The following SH3BP4 variants were observed in gnomAD, a reference collection of about 807,000 sequenced individuals.
The protein encoded by SH3BP4 is SH3 domain binding protein 4.
A neutral mutation model predicts 65.5 loss-of-function variants in SH3BP4; 33 were observed. The ratio of observed to expected loss-of-function variants is 0.50; its 90% confidence interval spans 0.38 to 0.67. SH3BP4 has a LOEUF of 0.67. Among genes scored for constraint, SH3BP4 ranks in the 30% least tolerant of loss-of-function variants. The probability of loss-of-function intolerance (pLI) is 0.00; values close to 1 mark genes in which losing one functional copy is unlikely to be tolerated. For synonymous variants in SH3BP4, 552 were observed against 545.5 expected (o/e 1.01, Z -0.17); for missense variants, 1,134 against 1,261.4 (o/e 0.90, Z 1.53).
In SH3BP4 at chr2:235,052,665, C is replaced by A; in HGVS notation, c.2582C>A (p.Ala861Asp). The change falls in exon 5 of 6, where the codon GCT becomes GAT. Residue 861 changes from alanine (A) to aspartate (D), a missense_variant. Physicochemically the swap from Ala to Asp is moderately radical, Grantham distance 126 (BLOSUM62 -2). Coordinates refer to ENST00000392011, the MANE Select transcript of SH3BP4 (RefSeq NM_014521.3). The surrounding 1 kb of genome is among the most constrained non-coding windows in gnomAD (Gnocchi z 5.0). ...GTGGCCCAGCGCTGGCGGGAGCTGG[C>A]TGAGAAGCTGGCCAAGGTCTCCAAG... Reference protein sequence around the residue: ...VEVAQRWRELAEKLAKVSKQQ... With the variant: ...VEVAQRWRELDEKLAKVSKQQ... 1 of 1,596,586 alleles carries A rather than the reference C, an allele frequency of 6.3e-7. No individual in the cohort carries two copies. The highest frequency in any genetic ancestry group is 1.1e-5 in the South Asian group (1 of 87,630).
chr2:234,997,681 T>C lies in SH3BP4; in HGVS notation c.-133+2305T>C, dbSNP rs1437324878. On this transcript the variant is annotated intron_variant, in intron 2 of 5. Transcript: ENST00000392011. This position sits in a 1 kb window ranked among gnomAD's most constrained non-coding sequence, Gnocchi z 4.2. The stretch of plus-strand genomic sequence containing the variant: ...CCACTGATGGCTGGGAAGGGTGAGC[T>C]CCAGCCCCCGGTGGCTTGAACACCC... Among the ~76,000 whole-genome samples the C allele has an allele frequency of 6.6e-6, 1 of 152,090 alleles. No homozygotes were observed. Among genetic ancestry groups the C allele is most frequent in the Non-Finnish European group, 1.5e-5 (1 of 68,012 alleles).
At chr2:234,962,100 T>C (rs1384896176) in intron 1 of SH3BP4, among the ~76,000 whole-genome samples, 4 of 152,182 alleles carry the variant, frequency 2.6e-5, no homozygotes, top group African/African-American at 9.7e-5. Flanking sequence ...TGTAGACATA[T>C]GAGTTGTTTT....
intron 2 of SH3BP4, among the ~76,000 whole-genome samples, chr2:235,010,799 A>AGAAC (rs1694461300): frequency 2.6e-5 from 2 of 78,032 alleles, no homozygotes; most frequent in Admixed American, 1.3e-4. Context: ...CCTAGGAGAA[A>AGAAC]CCTTCCTCCC....
intron 1 of SH3BP4, among the ~76,000 whole-genome samples, chr2:234,966,930 A>G (rs1479053244): frequency 6.6e-6 from 1 of 152,214 alleles, no homozygotes; most frequent in Non-Finnish European, 1.5e-5. Flanking sequence ...TTCGCTAACT[A>G]ATCACATTTA....
rs1244766596 is a variant in SH3BP4 at position 234,974,332 on chromosome 2, T to G, written c.-206-20971T>G. ...GTGAGCCAAGATCGCACTATTGCAC[T>G]CCAGCCTGGGCAAAGAGCGAAACTC... On this transcript the variant is annotated intron_variant, in intron 1 of 5. Transcript: ENST00000392011. This position sits in a 1 kb window ranked among gnomAD's most constrained non-coding sequence, Gnocchi z 4.6. Among the ~76,000 whole-genome samples the G allele has an allele frequency of 2.6e-5, 4 of 151,914 alleles. No individual in the cohort carries two copies.
intron 1 of SH3BP4, among the ~76,000 whole-genome samples, chr2:234,969,180 G>A (rs1056769354): frequency 6.6e-6 from 1 of 152,204 alleles, no homozygotes; most frequent in Non-Finnish European, 1.5e-5. Context: ...TGTTGTTGAA[G>A]TTGCCAGTCT....
At chr2:235,001,916 G>T (rs950362035) in intron 2 of SH3BP4, among the ~76,000 whole-genome samples, 4 of 152,030 alleles carry the variant, frequency 2.6e-5, no homozygotes, top group African/African-American at 9.7e-5. Context: ...GCTGGAGTGC[G>T]GTGGCGCAAT....
chr2:235,014,541 A>G (rs894144641), intron 2 of SH3BP4, among the ~76,000 whole-genome samples: 7 of 152,244 alleles, frequency 4.6e-5, no homozygotes, highest in East Asian at 3.9e-4. Flanking sequence ...GTGGACATCT[A>G]TTCTCAGTTC....
chr2:234,998,620 A>T (rs1694001562), intron 2 of SH3BP4, among the ~76,000 whole-genome samples: 1 of 152,224 alleles, frequency 6.6e-6, no homozygotes, highest in Admixed American at 6.5e-5. Flanking sequence ...GGCATTGAGT[A>T]CATTCTTGGT....
chr2:234,967,843 GACA>G lies in SH3BP4; in HGVS notation c.-207+15676_-207+15678del, dbSNP rs765075320. ...CACCCTGAGTGGCGGATGCTGCAGAGACAACTCTTTATACCTGAGAAGCTTGCC... is the reference window on the plus strand; with the variant it reads ...CACCCTGAGTGGCGGATGCTGCAGAGACTCTTTATACCTGAGAAGCTTGCC... On this transcript the variant is annotated intron_variant, in intron 1 of 5. Transcript: ENST00000392011. The surrounding 1 kb of genome is among the most constrained non-coding windows in gnomAD (Gnocchi z 4.6). Among the ~76,000 whole-genome samples the G allele has an allele frequency of 4.9e-4, 74 of 152,280 alleles. No individual in the cohort carries two copies. Among genetic ancestry groups the G allele is most frequent in the Non-Finnish European group, 9.0e-4 (61 of 68,020 alleles).
At chr2:235,015,594 G>A (rs1694664149) in intron 2 of SH3BP4, among the ~76,000 whole-genome samples, 1 of 152,216 alleles carries the variant, frequency 6.6e-6, no homozygotes, top group Admixed American at 6.5e-5. Context: ...AGCAGTGAGA[G>A]GGTTTCAGTG....
At position 235,050,711 on chromosome 2, in the gene SH3BP4, C is replaced by T. The variant is rs555163984; in HGVS notation, c.2479-1851C>T. On this transcript the variant is annotated intron_variant, in intron 4 of 5. Coordinates refer to ENST00000392011, the MANE Select transcript of SH3BP4 (RefSeq NM_014521.3). ...AACATAAAGTGTACATTAGAATGCT[C>T]AGTCTAAAACAGCTGGGCTCGCTTT... is the stretch of plus-strand genomic sequence containing the variant. Among the ~76,000 whole-genome samples, 11 of 152,216 alleles carry T rather than the reference C, an allele frequency of 7.2e-5. No individual in the cohort carries two copies. The East Asian group carries it at 2.1e-3, about 30-fold the overall frequency.
At chr2:235,044,717 C>G (rs1695786876) in intron 4 of SH3BP4, among the ~76,000 whole-genome samples, 1 of 152,226 alleles carries the variant, frequency 6.6e-6, no homozygotes, top group Non-Finnish European at 1.5e-5. Flanking sequence ...CCTGTAGACA[C>G]AGGTGTGCAG....
intron 1 of SH3BP4, among the ~76,000 whole-genome samples, chr2:234,964,696 A>ATTTTGTACAG (rs1692795078): frequency 6.6e-6 from 1 of 152,176 alleles, no homozygotes; most frequent in Non-Finnish European, 1.5e-5. Flanking sequence ...AGAGGGCCAT[A>ATTTTGTACAG]GTGAGACCCC....
intron 1 of SH3BP4, among the ~76,000 whole-genome samples, chr2:234,969,655 G>T (rs74919130): frequency 0.042 from 6,398 of 152,270 alleles, 383 homozygotes; most frequent in African/African-American, 0.13. Context: ...AGCACACGGA[G>T]CCTGGCAGGC....
At chr2:234,993,696 C>G (rs139883525) in intron 1 of SH3BP4, among the ~76,000 whole-genome samples, 7 of 152,326 alleles carry the variant, frequency 4.6e-5, no homozygotes, top group Non-Finnish European at 1.0e-4. Flanking sequence ...TTCAACTGTT[C>G]TGTCTTGACA....
intron 1 of SH3BP4, among the ~76,000 whole-genome samples, chr2:234,972,732 T>A (rs1048267102): frequency 2.0e-4 from 31 of 152,030 alleles, no homozygotes; most frequent in Non-Finnish European, 3.7e-4. Flanking sequence ...TAAAAAAAAA[T>A]AAATAAAGCT....
intron 2 of SH3BP4, among the ~76,000 whole-genome samples, chr2:235,032,241 G>A (rs1328499242): frequency 6.6e-6 from 1 of 152,120 alleles, no homozygotes; most frequent in Non-Finnish European, 1.5e-5. Context: ...GGCTCCAGTT[G>A]CCCTCACAGC....
In SH3BP4 at chr2:234,997,904, C is replaced by T. The variant is rs191695518; in HGVS notation, c.-133+2528C>T. On this transcript the variant is annotated intron_variant, in intron 2 of 5. Transcript: ENST00000392011. The surrounding 1 kb of genome is among the most constrained non-coding windows in gnomAD (Gnocchi z 4.2). The stretch of plus-strand genomic sequence containing the variant: ...TTGGGAGGCCGAGGTGGGCGGATCA[C>T]GAGATCAGGAGATCAAGACCATCCT... Among the ~76,000 whole-genome samples, 3 of 152,210 alleles carry T rather than the reference C, an allele frequency of 2.0e-5. No individual in the cohort carries two copies. The highest frequency in any genetic ancestry group is 1.9e-4 in the East Asian group (1 of 5,148).
Sources: gnomAD v4.1 joint callset for allele counts (sites outside exome capture counted in the v4.1 genomes callset) on GRCh38, gnomAD v4.1.1 for gene constraint, Gnocchi (gnomAD v3.1) non-coding constraint, MANE v1.5 for transcripts, NCBI Gene and HGNC (gene_info 2026-07-23, HGNC 2026-07-21) for gene names.